PCDHGA9: variants seen among roughly 807,000 people sequenced by gnomAD.
The protein encoded by PCDHGA9 is protocadherin gamma subfamily A, 9.
PCDHGA9 carries 37 observed loss-of-function variants against 62.5 expected under a neutral mutation model. The observed-to-expected ratio is 0.59, with a 90% CI of 0.46 to 0.78. The LOEUF is 0.78. PCDHGA9 is among the 30% of genes least tolerant of loss of function. The pLI is 0.00. For synonymous variants in PCDHGA9, 459 were observed against 484.6 expected (o/e 0.95, Z 0.69); for missense variants, 1,138 against 1,166.2 (o/e 0.98, Z 0.35).
chr5:141,491,598 C>T lies in PCDHGA9; in HGVS notation c.2425-3209C>T, dbSNP rs1410472886. On this transcript the variant is annotated intron_variant, in intron 1 of 3. Transcript: ENST00000573521. This position sits in a 1 kb window ranked among gnomAD's most constrained non-coding sequence, Gnocchi z 6.9. ...TTTCACCGGCCTCGGACGGCAGTGA[C>T]TTCACTTTTCTAAGACCCCTCAGCG... 1.4e-5 allele frequency: 22 copies of T among 1,613,872 alleles called. No homozygotes were observed. The highest frequency in any genetic ancestry group is 1.8e-5 in the Non-Finnish European group (21 of 1,180,048).
intron 2 of PCDHGA9, among the ~76,000 whole-genome samples, chr5:141,497,767 C>T (rs1419825322): frequency 1.3e-5 from 2 of 152,066 alleles, no homozygotes; most frequent in East Asian, 3.9e-4. Flanking sequence ...TCAAACTCCC[C>T]GACCTCAACT....
At chr5:141,448,069 T>G (rs1184496754) in intron 1 of PCDHGA9, among the ~76,000 whole-genome samples, 1 of 151,202 alleles carries the variant, frequency 6.6e-6, no homozygotes, top group African/African-American at 2.4e-5. Context: ...CTGGGCAACA[T>G]GAACGAAATG....
chr5:141,487,452 T>A lies in PCDHGA9; in HGVS notation c.2425-7355T>A, dbSNP rs778695562. 40 of 1,614,046 alleles carry A rather than the reference T, an allele frequency of 2.5e-5. No homozygotes were observed. The highest frequency in any genetic ancestry group is 3.4e-5 in the Non-Finnish European group (40 of 1,180,004). On this transcript the variant is annotated intron_variant, in intron 1 of 3. Coordinates refer to ENST00000573521, the MANE Select transcript of PCDHGA9 (RefSeq NM_018921.3). This position sits in a 1 kb window ranked among gnomAD's most constrained non-coding sequence, Gnocchi z 5.0. ...ATCCAGCTAGGGTCAGATGACCCTA[T>A]CAAGTTTGTTGATGTGGGAGGCCAC... is the stretch of plus-strand genomic sequence containing the variant.
At position 141,454,796 on chromosome 5, in the gene PCDHGA9, ATTT is replaced by A. The variant is rs61612330; in HGVS notation, c.2425-39984_2425-39982del. On this transcript the variant is annotated intron_variant, in intron 1 of 3. Coordinates refer to ENST00000573521, the MANE Select transcript of PCDHGA9 (RefSeq NM_018921.3). ...AAGGAAATAATCCTCCATGGTTCTA[ATTT>A]TTTTTTTTTTTTTTTTTTTTTTTTT... is the stretch of plus-strand genomic sequence containing the variant. 8.4e-3 allele frequency among the ~76,000 whole-genome samples: 651 copies of A among 77,268 alleles called. 2 individuals are homozygous for A. Among genetic ancestry groups the A allele is most frequent in the African/African-American group, 0.012 (206 of 16,834 alleles). The allele number at this position is 77,268 out of a possible 152,430, so 50.7% of individuals were successfully genotyped here. A position where few individuals can be genotyped will look rare whatever the true frequency, so the allele number is the denominator to read the frequency against.
At chr5:141,478,708 A>G (rs1394463788) in intron 1 of PCDHGA9, 31 of 1,548,072 alleles carry the variant, frequency 2.0e-5, no homozygotes, top group Non-Finnish European at 2.5e-5. Context: ...TGCCTTTGTG[A>G]GATGGTGGCC....
intron 1 of PCDHGA9, chr5:141,408,732 AT>A (rs1172232848): frequency 6.2e-7 from 1 of 1,610,014 alleles, no homozygotes; most frequent in Non-Finnish European, 8.5e-7. Context: ...TCTAATCCTT[AT>A]TTTTCATTAA....
intron 1 of PCDHGA9, among the ~76,000 whole-genome samples, chr5:141,469,642 A>G (rs1339074059): frequency 2.0e-5 from 3 of 152,244 alleles, no homozygotes; most frequent in Admixed American, 6.5e-5. Flanking sequence ...AAATATTTTG[A>G]TGACATAATT....
In PCDHGA9 at chr5:141,491,357, T is replaced by C; in HGVS notation, c.2425-3450T>C. 6.2e-7 allele frequency: 1 copy of C among 1,614,144 alleles called. No homozygotes were observed. Among genetic ancestry groups the C allele is most frequent in the South Asian group, 1.1e-5 (1 of 91,080 alleles). On this transcript the variant is annotated intron_variant, in intron 1 of 3. Transcript: ENST00000573521. This position sits in a 1 kb window ranked among gnomAD's most constrained non-coding sequence, Gnocchi z 6.9. ...CTAGCGACCGTCAGTCTCTTATCCCTAGTCACCTTCACCTTTCTGTCAGCG... is the reference window on the plus strand; with the variant it reads ...CTAGCGACCGTCAGTCTCTTATCCCCAGTCACCTTCACCTTTCTGTCAGCG...
In PCDHGA9 at chr5:141,432,751, G is replaced by A; in HGVS notation, c.2424+27375G>A. The A allele has an allele frequency of 6.2e-7, 1 of 1,614,130 alleles. No homozygotes were observed. Among genetic ancestry groups the A allele is most frequent in the Non-Finnish European group, 8.5e-7 (1 of 1,179,982 alleles). Reference sequence around the variant, plus strand: ...CCACTGTCACGCTCACCGTGGCCGTGGCCGACAGCATCCCCCAAGTCCTGG... The same window carrying A: ...CCACTGTCACGCTCACCGTGGCCGTAGCCGACAGCATCCCCCAAGTCCTGG... On this transcript the variant is annotated intron_variant, in intron 1 of 3. Transcript: ENST00000573521. This position sits in a 1 kb window ranked among gnomAD's most constrained non-coding sequence, Gnocchi z 6.0.
intron 1 of PCDHGA9, among the ~76,000 whole-genome samples, chr5:141,460,285 T>C (rs1283830175): frequency 1.3e-5 from 2 of 152,154 alleles, no homozygotes; most frequent in Admixed American, 6.5e-5. Context: ...ATAGTTTGTA[T>C]TTCTTATGTC....
intron 1 of PCDHGA9, chr5:141,408,785 T>C: frequency 6.2e-7 from 1 of 1,612,308 alleles, no homozygotes; most frequent in Non-Finnish European, 8.5e-7. Context: ...CCCAGAGTTA[T>C]CTCTGGAGAA....
Position 141,489,471 on chromosome 5 carries a change from G to A in PCDHGA9, c.2425-5336G>A. ...AGGAGAATGGGCGCTATTTTTCCCT[G>A]AGCTTGATGAGTGGTGCCCTGGCAG... On this transcript the variant is annotated intron_variant, in intron 1 of 3. Transcript: ENST00000573521. This position sits in a 1 kb window ranked among gnomAD's most constrained non-coding sequence, Gnocchi z 4.5. 1 of 1,614,074 alleles carries A rather than the reference G, an allele frequency of 6.2e-7. No homozygotes were observed. The highest frequency in any genetic ancestry group is 8.5e-7 in the Non-Finnish European group (1 of 1,180,026).
rs746989617 is a variant in PCDHGA9 at position 141,422,853 on chromosome 5, C to G, written c.2424+17477C>G. On this transcript the variant is annotated intron_variant, in intron 1 of 3. Transcript: ENST00000573521. ...TAGCACGTGACAGCGGGGACCCGCC[C>G]CTCAGCAGCAACGTGTCGCTGAGCC... 16 of 1,614,146 alleles carry G rather than the reference C, an allele frequency of 9.9e-6. 1 individual carries two copies. In the South Asian group the frequency reaches 1.6e-4, roughly 17 times the overall value.
In PCDHGA9 at chr5:141,476,714, C is replaced by G. The variant is rs146188020; in HGVS notation, c.2425-18093C>G. 3.1e-6 allele frequency: 5 copies of G among 1,614,036 alleles called. No individual in the cohort carries two copies. Among genetic ancestry groups the G allele is most frequent in the African/African-American group, 2.7e-5 (2 of 74,938 alleles). ...CAAGTACGCGGAGCTGGTGTTGGAGCGCGCCCTGGACCGAGAACGGGAGCC... is the reference window on the plus strand; with the variant it reads ...CAAGTACGCGGAGCTGGTGTTGGAGGGCGCCCTGGACCGAGAACGGGAGCC... On this transcript the variant is annotated intron_variant, in intron 1 of 3. Transcript: ENST00000573521. This position sits in a 1 kb window ranked among gnomAD's most constrained non-coding sequence, Gnocchi z 7.6.
At chr5:141,452,003 T>C (rs1031228207) in intron 1 of PCDHGA9, among the ~76,000 whole-genome samples, 2 of 152,210 alleles carry the variant, frequency 1.3e-5, no homozygotes, top group Non-Finnish European at 2.9e-5. Context: ...CAAAATCACT[T>C]GGTCCAGCCC....
chr5:141,490,936 C>T lies in PCDHGA9; in HGVS notation c.2425-3871C>T. 6.2e-7 allele frequency: 1 copy of T among 1,613,694 alleles called. No individual in the cohort carries two copies. On this transcript the variant is annotated intron_variant, in intron 1 of 3. Transcript: ENST00000573521. The surrounding 1 kb of genome is among the most constrained non-coding windows in gnomAD (Gnocchi z 5.4). ...GAATGATAATGCCCCAGCTGTGCTG[C>T]ACCCACGGCCAGACTGGGAACACTC...
At chr5:141,453,178 A>G (rs939398654) in intron 1 of PCDHGA9, among the ~76,000 whole-genome samples, 1 of 152,128 alleles carries the variant, frequency 6.6e-6, no homozygotes, top group African/African-American at 2.4e-5. Flanking sequence ...CAGTGGTACA[A>G]TCACAGCTCA....
chr5:141,462,243 A>C (rs141980823), intron 1 of PCDHGA9, among the ~76,000 whole-genome samples: 70 of 152,368 alleles, frequency 4.6e-4, no homozygotes, highest in African/African-American at 1.6e-3. Flanking sequence ...TACAGGTATG[A>C]GCCACCATGA....
At position 141,477,505 on chromosome 5, in the gene PCDHGA9, C is replaced by T. The variant is rs2099412175; in HGVS notation, c.2425-17302C>T. The T allele has an allele frequency of 5.0e-6, 8 of 1,614,126 alleles. No individual in the cohort carries two copies. Among genetic ancestry groups the T allele is most frequent in the Admixed American group, 1.7e-5 (1 of 60,024 alleles). On this transcript the variant is annotated intron_variant, in intron 1 of 3. Transcript: ENST00000573521. This position sits in a 1 kb window ranked among gnomAD's most constrained non-coding sequence, Gnocchi z 4.9. ...CACAATCTTCTCAATCTTCCTACGACGTTTACATTGAAGAAAACAACCTCC... is the reference window on the plus strand; with the variant it reads ...CACAATCTTCTCAATCTTCCTACGATGTTTACATTGAAGAAAACAACCTCC...
Sources: gnomAD v4.1 joint callset for allele counts (sites outside exome capture counted in the v4.1 genomes callset) on GRCh38, gnomAD v4.1.1 for gene constraint, Gnocchi (gnomAD v3.1) non-coding constraint, MANE v1.5 for transcripts, NCBI Gene and HGNC (gene_info 2026-07-23, HGNC 2026-07-21) for gene names.